MTHFD2L: variants seen among roughly 807,000 people sequenced by gnomAD.
The protein encoded by MTHFD2L is bifunctional methylenetetrahydrofolate dehydrogenase/cyclohydrolase 2, mitochondrial.
Under a neutral mutation model 34.9 loss-of-function variants are expected in MTHFD2L, and 29 were observed. The ratio of observed to expected loss-of-function variants is 0.83; its 90% CI spans 0.62 to 1.13. MTHFD2L has a LOEUF of 1.13. Among genes scored for constraint, MTHFD2L ranks in the 50% most tolerant of loss-of-function variants. MTHFD2L has a pLI of 0.00. For missense variants in MTHFD2L, 481 were observed against 446.5 expected, an observed-to-expected ratio of 1.08 and a Z score of -0.70; for synonymous variants, 167 against 155.7, an observed-to-expected ratio of 1.07 and a Z score of -0.54.
At chr4:74,135,739 C>A (rs552924429) in intron 1 of MTHFD2L, among the ~76,000 whole-genome samples, 1 of 151,680 alleles carries the variant, frequency 6.6e-6, no homozygotes, top group Non-Finnish European at 1.5e-5. Flanking sequence ...CCAGTGAACA[C>A]AGATGTAAAA....
rs1415829437 is a variant in MTHFD2L at position 74,174,634 on chromosome 4, A to G, written c.272A>G (p.Asp91Gly). The change falls in exon 2 of 8, where the codon GAT becomes GGT. Residue 91 changes from aspartate (D) to glycine (G), a missense_variant. Physicochemically the swap from Asp to Gly is moderately conservative, Grantham distance 94. Transcript: ENST00000325278. ...CACCTCAGTATAATTTTAGTGGGAG[A>G]TAACCCAGCAAGCCATACATATGTC... ...RPHLSIILVG[D>G]NPASHTYVRN... is the part of the protein sequence containing the mutation. The G allele has an allele frequency of 6.2e-7, 1 of 1,602,596 alleles. No homozygotes were observed. Among genetic ancestry groups the G allele is most frequent in the East Asian group, 2.3e-5 (1 of 44,116 alleles).
chr4:74,175,683 G>A (rs964405069), intron 3 of MTHFD2L, among the ~76,000 whole-genome samples: 1 of 152,044 alleles, frequency 6.6e-6, no homozygotes, highest in Non-Finnish European at 1.5e-5. Flanking sequence ...ACCAGGTAAT[G>A]TGATCTTAAT....
chr4:74,236,162 C>T (rs1166905989), intron 6 of MTHFD2L, among the ~76,000 whole-genome samples: 1 of 152,116 alleles, frequency 6.6e-6, no homozygotes, highest in Non-Finnish European at 1.5e-5. Context: ...GTCCAGGTTA[C>T]CAGCTTGATC....
At chr4:74,118,895 C>T (rs992837399), upstream of MTHFD2L, among the ~76,000 whole-genome samples, 9 of 152,270 alleles carry the variant, frequency 5.9e-5, no homozygotes, top group East Asian at 1.9e-4. Flanking sequence ...TTGTGAACTG[C>T]GCATGAGAGG....
intron 6 of MTHFD2L, among the ~76,000 whole-genome samples, chr4:74,240,215 G>C (rs183506013): frequency 6.6e-6 from 1 of 152,326 alleles, no homozygotes; most frequent in African/African-American, 2.4e-5. Context: ...TAGTTTTACT[G>C]CAGCCTAGCT....
intron 7 of MTHFD2L, among the ~76,000 whole-genome samples, chr4:74,296,650 A>G (rs536933194): frequency 6.6e-6 from 1 of 152,192 alleles, no homozygotes; most frequent in African/African-American, 2.4e-5. Context: ...CATTCCGTTT[A>G]TATGTATAAC....
chr4:74,143,040 CA>C (rs1171801877), intron 1 of MTHFD2L, among the ~76,000 whole-genome samples: 17 of 152,144 alleles, frequency 1.1e-4, no homozygotes, highest in Non-Finnish European at 2.1e-4. Flanking sequence ...TGTATGGTTT[CA>C]GGGGTTAAGG....
chr4:74,195,579 A>G (rs1385755104), intron 3 of MTHFD2L: 1 of 152,248 alleles, frequency 6.6e-6, no homozygotes, highest in African/African-American at 2.4e-5. Flanking sequence ...CTTGGCAAGT[A>G]GCACAGAAGG....
intron 5 of MTHFD2L, among the ~76,000 whole-genome samples, chr4:74,215,433 T>C (rs1258327724): frequency 6.6e-6 from 1 of 151,796 alleles, no homozygotes; most frequent in Non-Finnish European, 1.5e-5. Context: ...CTCACAGCTT[T>C]CCTTGGCTAG....
intron 1 of MTHFD2L, among the ~76,000 whole-genome samples, chr4:74,148,449 G>A (rs904334074): frequency 3.3e-5 from 5 of 150,378 alleles, no homozygotes; most frequent in South Asian, 2.1e-4. Flanking sequence ...GTGCAGTGGC[G>A]TGGTTTCTGC....
intron 5 of MTHFD2L, among the ~76,000 whole-genome samples, chr4:74,216,375 A>G (rs976998845): frequency 6.6e-6 from 1 of 151,808 alleles, no homozygotes; most frequent in Admixed American, 6.6e-5. Flanking sequence ...AAATTAAATC[A>G]GAATCATTAG....
intron 6 of MTHFD2L, among the ~76,000 whole-genome samples, chr4:74,252,293 C>A (rs1304425329): frequency 6.6e-6 from 1 of 151,886 alleles, no homozygotes; most frequent in Non-Finnish European, 1.5e-5. Flanking sequence ...TTATTGGAGC[C>A]TTGGCTAAGG....
At chr4:74,271,302 A>G (rs1051551843) in intron 6 of MTHFD2L, among the ~76,000 whole-genome samples, 3 of 152,142 alleles carry the variant, frequency 2.0e-5, no homozygotes, top group African/African-American at 4.8e-5. Context: ...TTATGGTTTT[A>G]GGTCTAATAT....
chr4:74,241,736 T>C lies in MTHFD2L; in HGVS notation c.805+16342T>C, dbSNP rs574363040. The C allele has an allele frequency of 6.0e-4, 106 of 177,442 alleles. 1 individual carries two copies. In the South Asian group the frequency reaches 8.3e-3, roughly 14 times the overall value. The allele number at this position is 177,442 out of a possible 1,614,324, so 11.0% of individuals were successfully genotyped here. Reference sequence around the variant, plus strand: ...TCTAGTTTTAAATTTGTCTTATTAATTTTCTTGACATTGCTAAAAAAAGAA... The same window carrying C: ...TCTAGTTTTAAATTTGTCTTATTAACTTTCTTGACATTGCTAAAAAAAGAA... On this transcript the variant is annotated intron_variant, in intron 6 of 7. Coordinates refer to ENST00000325278, the MANE Select transcript of MTHFD2L (RefSeq NM_001144978.3).
chr4:74,185,426 C>T (rs1382928288), intron 3 of MTHFD2L, among the ~76,000 whole-genome samples: 1 of 151,708 alleles, frequency 6.6e-6, no homozygotes, highest in Non-Finnish European at 1.5e-5. Flanking sequence ...ATGGTAGGAA[C>T]ATCAGAGCAA....
upstream of MTHFD2L, among the ~76,000 whole-genome samples, chr4:74,155,502 TATAAA>T (rs1711890533): frequency 6.6e-6 from 1 of 152,130 alleles, no homozygotes; most frequent in Non-Finnish European, 1.5e-5. Context: ...ATTTGGAAGA[TATAAA>T]ATAATGTCTA....
At chr4:74,193,304 A>G (rs1017760639) in intron 3 of MTHFD2L, among the ~76,000 whole-genome samples, 1 of 152,038 alleles carries the variant, frequency 6.6e-6, no homozygotes, top group Non-Finnish European at 1.5e-5. Context: ...TTCTTGTTCC[A>G]TTGATCTATT....
chr4:74,118,326 G>T (rs1345115043), intron 2 of MTHFD2L, among the ~76,000 whole-genome samples: 1 of 152,114 alleles, frequency 6.6e-6, no homozygotes, highest in Non-Finnish European at 1.5e-5. Context: ...GTTCATTGGT[G>T]CCAGATAAAA....
chr4:74,195,015 A>G (rs548366863), intron 3 of MTHFD2L: 1 of 152,362 alleles, frequency 6.6e-6, no homozygotes, highest in East Asian at 1.9e-4. Flanking sequence ...AGAATGTGGT[A>G]TTTAAGAAAA....
Sources: gnomAD v4.1 joint callset for allele counts (sites outside exome capture counted in the v4.1 genomes callset) on GRCh38, gnomAD v4.1.1 for gene constraint, MANE v1.5 for transcripts, NCBI Gene and HGNC (gene_info 2026-07-23, HGNC 2026-07-21) for gene names.